SYNE1: variants seen among roughly 807,000 people sequenced by gnomAD.
SYNE1 encodes the protein spectrin repeat containing nuclear envelope protein 1.
A neutral mutation model predicts 1,111.0 loss-of-function variants in SYNE1; 616 were observed. That is an observed-to-expected ratio of 0.55 (90% CI 0.52 to 0.59). The LOEUF (loss-of-function observed/expected upper bound fraction) is 0.59, where lower values mean the gene tolerates loss of function less well. Ranked by LOEUF, SYNE1 falls within the 20% of genes least tolerant of loss-of-function variation. The pLI is 0.00. For missense variants in SYNE1, 10,006 were observed against 10,417.0 expected (o/e 0.96, Z 1.72); for synonymous variants, 3,855 against 3,825.8 (o/e 1.01, Z -0.28).
chr6:152,127,996 T>G (rs1365775110), intron 145 of SYNE1: 1 of 152,198 alleles, frequency 6.6e-6, no homozygotes, highest in Non-Finnish European at 1.5e-5. Flanking sequence ...CAAGGCAATT[T>G]TGCATTTTAC....
In SYNE1 at chr6:152,142,191, C is replaced by T. The variant is rs116203704; in HGVS notation, c.25120-862G>A. On this transcript the variant is annotated intron_variant, in intron 138 of 145. Coordinates refer to ENST00000367255, the MANE Select transcript of SYNE1 (RefSeq NM_182961.4). The stretch of plus-strand genomic sequence containing the variant: ...TATACTTTGCATACATGATTTTGCA[C>T]GAGAAGTCCTTCAAGTTTCTTTACG... Among the ~76,000 whole-genome samples, 364 of 152,242 alleles carry T rather than the reference C, an allele frequency of 2.4e-3. 3 individuals are homozygous for T. The highest frequency in any genetic ancestry group is 8.3e-3 in the African/African-American group (344 of 41,548).
intron 143 of SYNE1, 41 bp downstream of exon 143, chr6:152,133,235 C>A: frequency 6.4e-7 from 1 of 1,571,180 alleles, no homozygotes; most frequent in Non-Finnish European, 8.8e-7. Context: ...CTTTGGTCTC[C>A]AGTAAGAAAT....
chr6:152,218,450 AT>A (rs745761182), intron 120 of SYNE1, 47 bp from the exon 121 acceptor site: 24 of 1,327,338 alleles, frequency 1.8e-5, no homozygotes, highest in Middle Eastern at 3.7e-4. Flanking sequence ...AAAAAAAAAA[AT>A]TGGTATTTTA....
chr6:152,302,176 C>G (rs1012976441), intron 91 of SYNE1, 113 bp from the exon 92 acceptor site: 20 of 1,442,714 alleles, frequency 1.4e-5, no homozygotes, highest in Non-Finnish European at 1.8e-5. Flanking sequence ...CCGCGCGGGC[C>G]CGGGAGGCAG....
In SYNE1 at chr6:152,133,258, T is replaced by C; in HGVS notation, c.26001+18A>G. 6.2e-7 allele frequency: 1 copy of C among 1,610,202 alleles called. No individual in the cohort carries two copies. Among genetic ancestry groups the C allele is most frequent in the Non-Finnish European group, 8.5e-7 (1 of 1,176,472 alleles). The stretch of plus-strand genomic sequence containing the variant: ...TCCAGTAAGAAATGCTACACGATGA[T>C]GTCTGTTTATTGCTTACCTGCTGAC... On this transcript the variant is annotated intron_variant, in intron 143 of 145. Transcript: ENST00000367255.
chr6:152,441,170 C>T lies in SYNE1; in HGVS notation c.4109G>A (p.Ser1370Asn). The part of the protein sequence containing the change: ...GSSHERFLSF[S>N]SLESLSSELE... ...TTCTGAAGATAAACTTTCCAAACTG[C>T]TAAAACTCAAGAAGCGTTCATGACT... Residue 1370 changes from serine (S) to asparagine (N), a missense_variant, in exon 32 of 146, where the codon AGC (serine) becomes AAC (asparagine). Ser to Asn is a conservative substitution (Grantham distance 46). Transcript: ENST00000367255. 3 of 1,613,686 alleles carry T rather than the reference C, an allele frequency of 1.9e-6. No individual in the cohort carries two copies. Among genetic ancestry groups the T allele is most frequent in the Non-Finnish European group, 2.5e-6 (3 of 1,179,848 alleles).
At chr6:152,409,402 A>G (rs2097971155) in intron 43 of SYNE1, 157 bp downstream of exon 43, 1 of 1,152,788 alleles carries the variant, frequency 8.7e-7, no homozygotes, top group African/African-American at 1.6e-5. Flanking sequence ...CTAGAATCCT[A>G]GAATGTCAGC....
intron 14 of SYNE1, chr6:152,478,466 G>A (rs1038160599): frequency 6.6e-6 from 1 of 152,208 alleles, no homozygotes; most frequent in Non-Finnish European, 1.5e-5. Flanking sequence ...AGAGAGGGTG[G>A]GATCTAATGT....
At chr6:152,139,119 G>A (rs2057797861) in intron 140 of SYNE1, among the ~76,000 whole-genome samples, 1 of 152,132 alleles carries the variant, frequency 6.6e-6, no homozygotes, top group African/African-American at 2.4e-5. Flanking sequence ...AGGTCATTCT[G>A]TATTTCCCTT....
chr6:152,305,154 T>A (rs1040532398), intron 91 of SYNE1, among the ~76,000 whole-genome samples: 1 of 152,228 alleles, frequency 6.6e-6, no homozygotes, highest in South Asian at 2.1e-4. Flanking sequence ...CTGGTATTCA[T>A]GAGCAGGCTT....
intron 11 of SYNE1, among the ~76,000 whole-genome samples, chr6:152,498,102 A>G (rs988862906): frequency 7.9e-5 from 12 of 152,226 alleles, no homozygotes; most frequent in African/African-American, 2.9e-4. Flanking sequence ...TTTCTATTCC[A>G]ATGTTGATAT....
At chr6:152,603,386 G>A (rs1348859879) in intron 3 of SYNE1, among the ~76,000 whole-genome samples, 1 of 152,064 alleles carries the variant, frequency 6.6e-6, no homozygotes, top group African/African-American at 2.4e-5. Context: ...GCAAAAATGA[G>A]TTTACACGAT....
Position 152,386,683 on chromosome 6 carries a change from G to A in SYNE1, c.8487+389C>T, listed in dbSNP as rs368400850. On this transcript the variant is annotated intron_variant, in intron 54 of 145. Transcript: ENST00000367255. ...AGATGAGAGATGAACACAATATTTC[G>A]TACACGACTGAATCTTGACGGTAAA... is the stretch of plus-strand genomic sequence containing the variant. Among the ~76,000 whole-genome samples, 141 of 152,160 alleles carry A rather than the reference G, an allele frequency of 9.3e-4. 1 individual carries two copies. The South Asian group carries it at 0.017, about 19-fold the overall frequency.
chr6:152,135,393 C>A (rs1255928123), intron 141 of SYNE1, among the ~76,000 whole-genome samples, 161 bp from the exon 142 acceptor site: 2 of 152,182 alleles, frequency 1.3e-5, no homozygotes, highest in African/African-American at 2.4e-5. Flanking sequence ...ATGACCTGAT[C>A]GTGAGTTCAC....
In SYNE1 at chr6:152,152,035, T is replaced by C; in HGVS notation, c.24236A>G (p.Lys8079Arg). 1 of 1,614,192 alleles carries C rather than the reference T, an allele frequency of 6.2e-7. No homozygotes were observed. Among genetic ancestry groups the C allele is most frequent in the Non-Finnish European group, 8.5e-7 (1 of 1,180,038 alleles). Residue 8079 changes from lysine to arginine, a missense_variant, in exon 134 of 146, where the codon AAA (lysine) becomes AGA (arginine). Physicochemically the swap from Lys to Arg is conservative, Grantham distance 26. Around this residue, in one of 7 missense-constraint regions of SYNE1, gnomAD observed 2,182 missense variants for 2,287.8 expected, o/e 0.95. Coordinates refer to ENST00000367255, the MANE Select transcript of SYNE1 (RefSeq NM_182961.4). ...CTGGTTGCCTTCGTGAACCATCTGT[T>C]TGAGGCTACATGCTGAATCAGTGCG... ...ENRTDSACSLKQMVHEGNQRW... is the reference protein window; with the variant it reads ...ENRTDSACSLRQMVHEGNQRW...
chr6:152,479,168 G>A (rs1389889197), intron 14 of SYNE1, among the ~76,000 whole-genome samples: 1 of 152,146 alleles, frequency 6.6e-6, no homozygotes, highest in Non-Finnish European at 1.5e-5. Flanking sequence ...AGTGGCTAGG[G>A]TTGGGTGTAG....
At chr6:152,246,465 C>T (rs933101527) in intron 105 of SYNE1, among the ~76,000 whole-genome samples, 38 of 151,394 alleles carry the variant, frequency 2.5e-4, no homozygotes, top group African/African-American at 6.1e-4. Context: ...AAATTAAATA[C>T]GTGAGAGCAG....
chr6:152,467,687 G>A (rs1457411496), intron 16 of SYNE1, among the ~76,000 whole-genome samples: 2 of 152,072 alleles, frequency 1.3e-5, no homozygotes, highest in African/African-American at 2.4e-5. Flanking sequence ...AGGAAAGAGG[G>A]GAGAATGTTT....
At position 152,451,162 on chromosome 6, in the gene SYNE1, A is replaced by G; in HGVS notation, c.3071T>C (p.Ile1024Thr). The change falls in exon 26 of 146, where the codon ATT becomes ACT. Residue 1024 changes from isoleucine (I) to threonine (T), a missense_variant. This residue lies in a region of SYNE1 where 1,971 missense variants were observed against 2,084.1 expected (regional missense o/e 0.95). Transcript: ENST00000367255. ...TAAGAACCTATTCTTCTCCACATCA[A>G]TCTTCAGATGAAGCAAATGATAAGG... Reference protein sequence around the residue: ...EAPYHLLHLKIDVEKNRFLAS... With the variant: ...EAPYHLLHLKTDVEKNRFLAS... 1 of 1,614,082 alleles carries G rather than the reference A, an allele frequency of 6.2e-7. No homozygotes were observed. Among genetic ancestry groups the G allele is most frequent in the Admixed American group, 1.7e-5 (1 of 60,018 alleles).
Sources: gnomAD v4.1 joint callset for allele counts (sites outside exome capture counted in the v4.1 genomes callset) on GRCh38, gnomAD v4.1.1 for gene constraint, gnomAD v4.1.1 regional missense constraint, MANE v1.5 for transcripts, NCBI Gene and HGNC (gene_info 2026-07-23, HGNC 2026-07-21) for gene names.